GSTM3: variants seen among roughly 807,000 people sequenced by gnomAD.
GSTM3 encodes GST class-mu 3.
Under a neutral mutation model 36.1 loss-of-function variants are expected in GSTM3, and 34 were observed. The observed-to-expected ratio is 0.94, with a 90% confidence interval of 0.72 to 1.25. The LOEUF (loss-of-function observed/expected upper bound fraction) is 1.25. Ranked by LOEUF, GSTM3 falls within the 50% of genes most tolerant of loss-of-function variation. The probability of loss-of-function intolerance (pLI) is 0.00; values close to 1 mark genes in which losing one functional copy is unlikely to be tolerated. For missense variants in GSTM3, 266 were observed against 281.6 expected (o/e 0.94, Z 0.40); for synonymous variants, 102 against 99.5 (o/e 1.03, Z -0.15).
chr1:109,739,963 G>T, intron 2 of GSTM3, 55 bp from the exon 3 acceptor site: 1 of 1,352,296 alleles, frequency 7.4e-7, no homozygotes. Context: ...CCCAACCCCC[G>T]CCCGCTAACG....
rs990820676 is a variant in GSTM3, at chr1:109,735,223, T to A, written c.*1848A>T. ...CAGGGTCTTGCTCAGTCACCCAGATTGGAGTGCAGTGGCAAGAACACAGCT... is the reference window on the plus strand; with the variant it reads ...CAGGGTCTTGCTCAGTCACCCAGATAGGAGTGCAGTGGCAAGAACACAGCT... On this transcript the variant is annotated 3_prime_UTR_variant, in exon 9 of 9. Coordinates refer to ENST00000361066, the MANE Select transcript of GSTM3 (RefSeq NM_000849.5). 3 of 152,180 alleles carry A rather than the reference T, an allele frequency of 2.0e-5. No individual in the cohort carries two copies. The highest frequency in any genetic ancestry group is 7.2e-5 in the African/African-American group (3 of 41,436). The allele number at this position is 152,180 out of a possible 1,614,324, so 9.4% of individuals were successfully genotyped here.
rs1355319894 is a variant in GSTM3, at chr1:109,737,637, T to C, written c.468+19A>G. On this transcript the variant is annotated intron_variant, in intron 7 of 8. Transcript: ENST00000361066. The stretch of plus-strand genomic sequence containing the variant: ...CTGCAGAGATAGAGAAGTATCCTCT[T>C]CTTTTCCCTTCTTCCTACCTTTTCC... 15 of 1,566,222 alleles carry C rather than the reference T, an allele frequency of 9.6e-6. No homozygotes were observed. Among genetic ancestry groups the C allele is most frequent in the Non-Finnish European group, 1.3e-5 (15 of 1,138,850 alleles).
chr1:109,739,550 G>A (rs1649305807), intron 3 of GSTM3, 57 bp from the exon 4 acceptor site: 5 of 1,258,562 alleles, frequency 4.0e-6, no homozygotes, highest in South Asian at 1.2e-5. Context: ...CCTGACAAGA[G>A]CAAAAGATCT....
intron 5 of GSTM3, 24 bp from the exon 6 acceptor site, chr1:109,738,215 C>T: frequency 6.3e-7 from 1 of 1,598,742 alleles, no homozygotes; most frequent in Non-Finnish European, 8.6e-7. Flanking sequence ...GACAACAAAT[C>T]ACCCTTGGCA....
rs199932714 is a variant in GSTM3 at position 109,740,283 on chromosome 1, G to A, written c.5C>T (p.Ser2Leu). ...CCCGAGAACCATAGACGACTCGCAC[G>A]ACATGGTGACGGGCTTCCGAGCCTT... M[S>L]CESSMVLGYW... is the part of the protein sequence containing the mutation. The change falls in exon 2 of 9, where the codon TCG (serine) becomes TTG (leucine). Residue 2 changes from serine to leucine, a missense_variant. By Grantham distance (145) the Ser-to-Leu change is moderately radical (BLOSUM62 -2). Transcript: ENST00000361066. The A allele has an allele frequency of 2.9e-5, 46 of 1,613,292 alleles. No homozygotes were observed. In the East Asian group the frequency reaches 3.3e-4, roughly 12 times the overall value.
In GSTM3 at chr1:109,739,819, C is replaced by G; in HGVS notation, c.124+14G>C. ...GGGCCAGCTTGGCTGCACGGGCACG[C>G]GGAGCGGCATTACCTTCCCCGCACG... is the stretch of plus-strand genomic sequence containing the variant. On this transcript the variant is annotated intron_variant, in intron 3 of 8. Coordinates refer to ENST00000361066, the MANE Select transcript of GSTM3 (RefSeq NM_000849.5). 6.5e-7 allele frequency: 1 copy of G among 1,539,634 alleles called. No homozygotes were observed. Among genetic ancestry groups the G allele is most frequent in the Non-Finnish European group, 8.8e-7 (1 of 1,135,852 alleles).
chr1:109,740,505 A>G lies in GSTM3; in HGVS notation c.-218T>C. 1.7e-6 allele frequency: 1 copy of G among 588,302 alleles called. No individual in the cohort carries two copies. Among genetic ancestry groups the G allele is most frequent in the Non-Finnish European group, 3.0e-6 (1 of 332,872 alleles). The allele number at this position is 588,302 out of a possible 1,614,324, so 36.4% of individuals were successfully genotyped here. ...GGCGACCCCGAGGCGGGACCCGGGC[A>G]GGAGTGCTGCAGGAGAGCAAAGGAC... On this transcript the variant is annotated 5_prime_UTR_variant, in exon 2 of 9. Transcript: ENST00000361066.
Position 109,739,896 on chromosome 1 carries a change from T to C in GSTM3, c.61A>G (p.Ile21Val). ...TCCGTGAACTCCAGGAGCAGGCGGA[T>C]GGCGTGCGCCAGCTGGGGAAGACAG... Reference protein sequence around the residue: ...YWDIRGLAHAIRLLLEFTDTS... With the variant: ...YWDIRGLAHAVRLLLEFTDTS... Residue 21 changes from isoleucine to valine, a missense_variant, in exon 3 of 9, where the codon ATC becomes GTC. Transcript: ENST00000361066. The C allele has an allele frequency of 6.4e-7, 1 of 1,554,730 alleles. No individual in the cohort carries two copies. The highest frequency in any genetic ancestry group is 8.7e-7 in the Non-Finnish European group (1 of 1,148,268).
chr1:109,736,960 T>C lies in GSTM3; in HGVS notation c.*111A>G. ...TTTAGCCTTTATACCCAAGAGAAACTCAGCTGGACACCAGTAACATAAGTG... is the reference window on the plus strand; with the variant it reads ...TTTAGCCTTTATACCCAAGAGAAACCCAGCTGGACACCAGTAACATAAGTG... On this transcript the variant is annotated 3_prime_UTR_variant, in exon 9 of 9. Transcript: ENST00000361066. The C allele has an allele frequency of 1.4e-5, 9 of 665,792 alleles. No homozygotes were observed. Among genetic ancestry groups the C allele is most frequent in the Non-Finnish European group, 2.4e-5 (9 of 370,174 alleles). The allele number at this position is 665,792 out of a possible 1,614,324, so 41.2% of individuals were successfully genotyped here. A position where few individuals can be genotyped will look rare whatever the true frequency, so the allele number is the denominator to read the frequency against.
Position 109,740,329 on chromosome 1 carries a change from A to G in GSTM3, c.-42T>C. 1.9e-6 allele frequency: 3 copies of G among 1,588,188 alleles called. No homozygotes were observed. Among genetic ancestry groups the G allele is most frequent in the South Asian group, 2.2e-5 (2 of 89,796 alleles). On this transcript the variant is annotated 5_prime_UTR_variant, in exon 2 of 9. Coordinates refer to ENST00000361066, the MANE Select transcript of GSTM3 (RefSeq NM_000849.5). The stretch of plus-strand genomic sequence containing the variant: ...GCCTTCGAGGACTAGGGAAACTGTG[A>G]GCGGGAGGGGCTTTATACCCGACAT...
At position 109,735,285 on chromosome 1, in the gene GSTM3, C is replaced by T. The variant is rs1649165705; in HGVS notation, c.*1786G>A. ...CAAATTCCTGGGCTCAAGTGATCCTCCCACCTCAGCCTCCTGGGTAGCTGG... is the reference window on the plus strand; with the variant it reads ...CAAATTCCTGGGCTCAAGTGATCCTTCCACCTCAGCCTCCTGGGTAGCTGG... On this transcript the variant is annotated 3_prime_UTR_variant, in exon 9 of 9. Transcript: ENST00000361066. 1.3e-5 allele frequency: 2 copies of T among 152,240 alleles called. No homozygotes were observed. Among genetic ancestry groups the T allele is most frequent in the African/African-American group, 2.4e-5 (1 of 41,422 alleles). 9.4% of individuals were successfully genotyped at this position (152,240 alleles called of 1,614,324 possible).
At position 109,740,178 on chromosome 1, in the gene GSTM3, G is replaced by C. The variant is rs573632208; in HGVS notation, c.48+62C>G. ...TCCTGCTGGAGATCGCGGACCCAGA[G>C]ACCCGCCCTCTCCGCGTCAGTCTCT... On this transcript the variant is annotated intron_variant, in intron 2 of 8. Transcript: ENST00000361066. The C allele has an allele frequency of 8.5e-5, 125 of 1,465,084 alleles. No homozygotes were observed. In the African/African-American group the frequency reaches 1.6e-3, roughly 19 times the overall value. 90.8% of individuals were successfully genotyped at this position (1,465,084 alleles called of 1,614,324 possible). A position where few individuals can be genotyped will look rare whatever the true frequency, so the allele number is the denominator to read the frequency against.
rs1649243463 is a variant in GSTM3, at chr1:109,737,640, T to G, written c.468+16A>C. ...CAGAGATAGAGAAGTATCCTCTTCT[T>G]TTCCCTTCTTCCTACCTTTTCCCCG... On this transcript the variant is annotated intron_variant, in intron 7 of 8. Coordinates refer to ENST00000361066, the MANE Select transcript of GSTM3 (RefSeq NM_000849.5). 7.0e-6 allele frequency: 11 copies of G among 1,573,306 alleles called. No homozygotes were observed. The highest frequency in any genetic ancestry group is 9.6e-6 in the Non-Finnish European group (11 of 1,145,388).
chr1:109,738,154 G>C lies in GSTM3; in HGVS notation c.309C>G (p.Ile103Met), dbSNP rs1158264460. Residue 103 changes from isoleucine to methionine, a missense_variant, in exon 6 of 9, where the codon ATC (isoleucine) becomes ATG (methionine). By Grantham distance (10) the Ile-to-Met change is conservative. Transcript: ENST00000361066. ...ETEEEKIRVD[I>M]IENQVMDFRT... Reference sequence around the variant, plus strand: ...GGAAATCCATTACTTGGTTCTCTATGATGTCCACTCGAATCTTTTCTTCTT... The same window carrying C: ...GGAAATCCATTACTTGGTTCTCTATCATGTCCACTCGAATCTTTTCTTCTT... The C allele has an allele frequency of 1.2e-6, 2 of 1,613,818 alleles. No individual in the cohort carries two copies. Among genetic ancestry groups the C allele is most frequent in the Non-Finnish European group, 1.7e-6 (2 of 1,179,694 alleles).
At chr1:109,738,481 T>A in intron 4 of GSTM3, 115 bp from the exon 5 acceptor site, 1 of 693,886 alleles carries the variant, frequency 1.4e-6, no homozygotes, top group Non-Finnish European at 2.5e-6. Context: ...GAAGATGCTG[T>A]GTTAGGAGAA....
Position 109,739,862 on chromosome 1 carries a change from TAAG to T in GSTM3, c.92_94del (p.Ser31del). 1 of 1,554,562 alleles carries T rather than the reference TAAG, an allele frequency of 6.4e-7. No individual in the cohort carries two copies. Among genetic ancestry groups the T allele is most frequent in the Non-Finnish European group, 8.7e-7 (1 of 1,148,308 alleles). On this transcript the variant is annotated inframe_deletion, in exon 3 of 9. Transcript: ENST00000361066. ...CCCGCACGTGTACCGTTTCTCCTCA[TAAG>T]AGGTATCCGTGAACTCCAGGAGCAG...
Position 109,738,908 on chromosome 1 carries a change from C to T in GSTM3, c.189+521G>A, listed in dbSNP as rs146287353. Among the ~76,000 whole-genome samples, 1,452 of 152,192 alleles carry T rather than the reference C, an allele frequency of 9.5e-3. 21 individuals carry two copies. The highest frequency in any genetic ancestry group is 0.032 in the African/African-American group (1,330 of 41,518). On this transcript the variant is annotated intron_variant, in intron 4 of 8. Coordinates refer to ENST00000361066, the MANE Select transcript of GSTM3 (RefSeq NM_000849.5). ...GGCCGAGGTGGGAGGACTGTTTGAG[C>T]CCAGAAGTTCAGGATCAGCCTGGGT...
rs1649316177 is a variant in GSTM3 at position 109,739,885 on chromosome 1, G to C, written c.72C>G (p.Leu24=). 1 of 1,555,406 alleles carries C rather than the reference G, an allele frequency of 6.4e-7. No individual in the cohort carries two copies. Among genetic ancestry groups the C allele is most frequent in the Non-Finnish European group, 8.7e-7 (1 of 1,148,768 alleles). The part of the protein sequence containing the change: ...IRGLAHAIRL[L]LEFTDTSYEE... ...CATAAGAGGTATCCGTGAACTCCAG[G>C]AGCAGGCGGATGGCGTGCGCCAGCT... The change falls in exon 3 of 9, where the codon CTC becomes CTG. Residue 24 remains leucine, a synonymous_variant. Coordinates refer to ENST00000361066, the MANE Select transcript of GSTM3 (RefSeq NM_000849.5).
chr1:109,738,146 T>C lies in GSTM3; in HGVS notation c.317A>G (p.Asn106Ser), dbSNP rs1395769525. Residue 106 changes from asparagine to serine, a missense_variant, in exon 6 of 9, where the codon AAC becomes AGC. By Grantham distance (46) the Asn-to-Ser change is conservative. Transcript: ENST00000361066. ...TTGTGTGCGGAAATCCATTACTTGG[T>C]TCTCTATGATGTCCACTCGAATCTT... ...EEKIRVDIIE[N>S]QVMDFRTQLI... is the part of the protein sequence containing the mutation. 1 of 1,613,778 alleles carries C rather than the reference T, an allele frequency of 6.2e-7. No homozygotes were observed. Among genetic ancestry groups the C allele is most frequent in the East Asian group, 2.2e-5 (1 of 44,896 alleles).
Sources: gnomAD v4.1 joint callset for allele counts (sites outside exome capture counted in the v4.1 genomes callset) on GRCh38, gnomAD v4.1.1 for gene constraint, MANE v1.5 for transcripts, NCBI Gene and HGNC (gene_info 2026-07-23, HGNC 2026-07-21) for gene names.